Variants in PTPRN2 observed in about 807,000 individuals in gnomAD.
The protein encoded by PTPRN2 is receptor-type tyrosine-protein phosphatase N2.
A neutral mutation model predicts 118.8 loss-of-function variants in PTPRN2; 74 were observed. The ratio of observed to expected loss-of-function variants is 0.62; its 90% confidence interval spans 0.52 to 0.76. The LOEUF is 0.76. Among genes scored for constraint, PTPRN2 ranks in the 30% least tolerant of loss-of-function variants. The pLI, the probability that PTPRN2 is intolerant of heterozygous loss-of-function variation, is 0.00. For missense variants in PTPRN2, 1,481 were observed against 1,394.4 expected, an observed-to-expected ratio of 1.06 and a Z score of -0.99; for synonymous variants, 641 against 608.0, an observed-to-expected ratio of 1.05 and a Z score of -0.80.
At chr7:157,572,986 G>C (rs1563223941) in intron 19 of PTPRN2, among the ~76,000 whole-genome samples, 1 of 152,238 alleles carries the variant, frequency 6.6e-6, no homozygotes, top group Non-Finnish European at 1.5e-5. Flanking sequence ...AGAGGCAACA[G>C]CACTTGTATG....
At chr7:158,381,062 T>G (rs1164932847) in intron 2 of PTPRN2, among the ~76,000 whole-genome samples, 2 of 152,200 alleles carry the variant, frequency 1.3e-5, no homozygotes, top group African/African-American at 2.4e-5. Flanking sequence ...CACTTTTTCC[T>G]CCTGGGCCTC....
intron 3 of PTPRN2, among the ~76,000 whole-genome samples, chr7:158,273,739 C>A (rs1472681545): frequency 8.0e-6 from 1 of 125,330 alleles, no homozygotes; most frequent in Non-Finnish European, 1.6e-5. Flanking sequence ...ACACAAGGAG[C>A]CGCAGACACA....
At chr7:157,750,805 A>G (rs1019942729) in intron 12 of PTPRN2, among the ~76,000 whole-genome samples, 5 of 152,224 alleles carry the variant, frequency 3.3e-5, no homozygotes, top group Non-Finnish European at 1.5e-5. Flanking sequence ...GCTGGAAGGA[A>G]GGGTGTAAAG....
chr7:157,999,685 G>A (rs1280349858), intron 11 of PTPRN2, among the ~76,000 whole-genome samples: 1 of 152,090 alleles, frequency 6.6e-6, no homozygotes, highest in Non-Finnish European at 1.5e-5. Context: ...GCGAGTCCCT[G>A]GCCCACCTGA....
At position 157,576,633 on chromosome 7, in the gene PTPRN2, C is replaced by T. The variant is rs139647056; in HGVS notation, c.2763G>A (p.Arg921=). 10 of 1,612,266 alleles carry T rather than the reference C, an allele frequency of 6.2e-6. No individual in the cohort carries two copies. Among genetic ancestry groups the T allele is most frequent in the South Asian group, 1.1e-5 (1 of 90,630 alleles). Residue 921 remains arginine, a synonymous_variant, in exon 19 of 23, where the codon AGG becomes AGA. Transcript: ENST00000389418. ...WYDRGVPSSS[R]SLLDFRRKVN... ...CATACCTGCGGAAGTCCAGGAGGGA[C>T]CTTGAGGAGGAAGGGACTCCTCGGT...
intron 1 of PTPRN2, among the ~76,000 whole-genome samples, chr7:158,524,628 C>T (rs956150883): frequency 1.3e-5 from 2 of 152,076 alleles, no homozygotes; most frequent in East Asian, 1.9e-4. Context: ...CCCCAGAACT[C>T]GTAGATGGAT....
chr7:158,264,059 G>A (rs539867868), intron 3 of PTPRN2, among the ~76,000 whole-genome samples: 18 of 152,290 alleles, frequency 1.2e-4, no homozygotes, highest in African/African-American at 3.8e-4. Context: ...GCAGGACTTT[G>A]GAGCGGCAAA....
chr7:158,407,317 T>C lies in PTPRN2; in HGVS notation c.163+82418A>G, dbSNP rs866332406. 1.9e-3 allele frequency among the ~76,000 whole-genome samples: 153 copies of C among 79,218 alleles called. 9 individuals are homozygous for C. The highest frequency in any genetic ancestry group is 0.012 in the East Asian group (21 of 1,812). 52.0% of individuals were successfully genotyped at this position (79,218 alleles called of 152,430 possible). On this transcript the variant is annotated intron_variant, in intron 2 of 22. Transcript: ENST00000389418. ...GTCCTGCGTCCTGGGTCCTGGGTCCTGGGTCCTGCGTCCTGGGTCCTGCGT... is the reference window on the plus strand; with the variant it reads ...GTCCTGCGTCCTGGGTCCTGGGTCCCGGGTCCTGCGTCCTGGGTCCTGCGT...
At chr7:157,732,186 C>T (rs1372625714) in intron 12 of PTPRN2, among the ~76,000 whole-genome samples, 1 of 55,404 alleles carries the variant, frequency 1.8e-5, no homozygotes, top group Non-Finnish European at 3.9e-5. Context: ...GCACAGTTAC[C>T]CTTTTCCGCC....
intron 2 of PTPRN2, among the ~76,000 whole-genome samples, chr7:158,341,990 AAG>A (rs1294678689): frequency 4.9e-5 from 7 of 144,178 alleles, no homozygotes; most frequent in Admixed American, 6.9e-5. Flanking sequence ...CTCTCACCAT[AAG>A]AGGTGACACC....
At chr7:158,312,066 GACACAC>G (rs10537352) in intron 3 of PTPRN2, among the ~76,000 whole-genome samples, 9 of 150,154 alleles carry the variant, frequency 6.0e-5, no homozygotes, top group Admixed American at 1.3e-4. Flanking sequence ...CTCACATGTA[GACACAC>G]ACACGTGCAC....
At chr7:158,075,820 G>A (rs79289628) in intron 11 of PTPRN2, among the ~76,000 whole-genome samples, 2,296 of 152,284 alleles carry the variant, frequency 0.015, 33 homozygotes, top group East Asian at 0.08. Flanking sequence ...CGAGCCCCAC[G>A]CCAGCCACAG....
intron 11 of PTPRN2, among the ~76,000 whole-genome samples, chr7:157,960,880 G>A (rs1178749545): frequency 2.0e-5 from 3 of 152,136 alleles, no homozygotes; most frequent in Non-Finnish European, 4.4e-5. Context: ...GGTGATGGGC[G>A]CCTGTAATCC....
intron 17 of PTPRN2, among the ~76,000 whole-genome samples, chr7:157,592,112 T>G (rs1273696446): frequency 2.0e-5 from 3 of 152,226 alleles, no homozygotes; most frequent in Non-Finnish European, 1.5e-5. Context: ...GCATTTCACC[T>G]TGCTTTAAAA....
At chr7:157,576,545 C>A (rs372340407) in intron 19 of PTPRN2, 68 bp downstream of exon 19, 2 of 1,425,254 alleles carry the variant, frequency 1.4e-6, no homozygotes, top group East Asian at 2.6e-5. Context: ...CTCAGGAGCA[C>A]CGAAGCCTCG....
intron 11 of PTPRN2, among the ~76,000 whole-genome samples, chr7:157,905,739 A>G (rs1427298847): frequency 6.6e-6 from 1 of 152,190 alleles, no homozygotes; most frequent in Non-Finnish European, 1.5e-5. Context: ...TCTGTAATCT[A>G]AATTACAATG....
chr7:158,205,934 T>C (rs1827106281), intron 3 of PTPRN2, among the ~76,000 whole-genome samples: 1 of 152,172 alleles, frequency 6.6e-6, no homozygotes, highest in Non-Finnish European at 1.5e-5. Flanking sequence ...GAATCTGAGT[T>C]CTGACAAGCC....
In PTPRN2 at chr7:157,785,498, G is replaced by A. The variant is rs888312053; in HGVS notation, c.1789-102561C>T. Among the ~76,000 whole-genome samples, 1 of 152,180 alleles carries A rather than the reference G, an allele frequency of 6.6e-6. No individual in the cohort carries two copies. Among genetic ancestry groups the A allele is most frequent in the Non-Finnish European group, 1.5e-5 (1 of 68,024 alleles). On this transcript the variant is annotated intron_variant, in intron 12 of 22. Transcript: ENST00000389418. This position sits in a 1 kb window ranked among gnomAD's most constrained non-coding sequence, Gnocchi z 7.3. ...GACTAGAGCCAGCACTCGCGGGCAGGCCTCCCCAGGACCAGAGCGCCTGCG... is the reference window on the plus strand; with the variant it reads ...GACTAGAGCCAGCACTCGCGGGCAGACCTCCCCAGGACCAGAGCGCCTGCG...
intron 3 of PTPRN2, among the ~76,000 whole-genome samples, chr7:158,294,143 C>T (rs1800306264): frequency 6.6e-6 from 1 of 152,182 alleles, no homozygotes; most frequent in South Asian, 2.1e-4. Context: ...ATCATGAGGG[C>T]CACAAGGTCA....
Sources: allele counts gnomAD v4.1 joint callset (sites outside exome capture counted in the v4.1 genomes callset), GRCh38; gene constraint gnomAD v4.1.1; non-coding constraint Gnocchi (gnomAD v3.1); transcripts MANE v1.5; gene names NCBI Gene and HGNC (gene_info 2026-07-23, HGNC 2026-07-21).